The following TMC7 variants were observed in gnomAD, a reference collection of about 807,000 sequenced individuals.
TMC7 encodes the protein transmembrane channel like 7.
In TMC7, 54 loss-of-function variants were observed where a neutral mutation model predicts 82.9. The ratio of observed to expected loss-of-function variants is 0.65; its 90% CI spans 0.52 to 0.82. The LOEUF (loss-of-function observed/expected upper bound fraction) is 0.82, where lower values mean the gene tolerates loss of function less well. TMC7 is among the 40% of genes least tolerant of loss of function. The pLI is 0.00. For synonymous variants in TMC7, 350 were observed against 337.9 expected (o/e 1.04, Z -0.39); for missense variants, 820 against 901.2 (o/e 0.91, Z 1.15).
intron 1 of TMC7, among the ~76,000 whole-genome samples, chr16:18,994,449 C>A (rs1408248891): frequency 2.1e-4 from 31 of 147,466 alleles, no homozygotes; most frequent in Admixed American, 2.1e-3. Context: ...CGAGACTCTT[C>A]TCAAAAAAAA....
intron 9 of TMC7, among the ~76,000 whole-genome samples, chr16:19,043,056 T>C (rs2142275972): frequency 6.6e-6 from 1 of 152,172 alleles, no homozygotes; most frequent in East Asian, 1.9e-4. Context: ...ACTTAATTTA[T>C]TTTTGTATTA....
chr16:19,012,480 A>G (rs1369250897), intron 2 of TMC7, among the ~76,000 whole-genome samples: 1 of 152,080 alleles, frequency 6.6e-6, no homozygotes. Context: ...CTGGTTTACC[A>G]GTGAATCCCT....
At chr16:19,010,279 C>G (rs369119248) in intron 2 of TMC7, among the ~76,000 whole-genome samples, 1 of 151,646 alleles carries the variant, frequency 6.6e-6, no homozygotes, top group Non-Finnish European at 1.5e-5. Context: ...CTCAGTCTCC[C>G]GAGTAGCTGG....
intron 1 of TMC7, among the ~76,000 whole-genome samples, chr16:18,994,525 T>A (rs956348524): frequency 3.3e-5 from 5 of 150,230 alleles, no homozygotes; most frequent in African/African-American, 1.2e-4. Context: ...TGGGGATGAG[T>A]TAGGGAGAGC....
chr16:19,017,589 G>T (rs1160118950), intron 3 of TMC7, among the ~76,000 whole-genome samples: 1 of 151,438 alleles, frequency 6.6e-6, no homozygotes, highest in African/African-American at 2.4e-5. Flanking sequence ...GGAGACTGAG[G>T]CAGGAAGAGC....
At chr16:19,014,109 G>A (rs1959543336) in intron 2 of TMC7, among the ~76,000 whole-genome samples, 1 of 148,184 alleles carries the variant, frequency 6.7e-6, no homozygotes, top group South Asian at 2.1e-4. Context: ...CTTGTGATCT[G>A]CCTGCCTCGG....
intron 4 of TMC7, among the ~76,000 whole-genome samples, chr16:19,022,792 G>A (rs575460672): frequency 6.6e-6 from 1 of 152,346 alleles, no homozygotes; most frequent in South Asian, 2.1e-4. Flanking sequence ...ACTTTGGGAG[G>A]CTGAGGTGGG....
At chr16:18,994,986 TGG>T (rs60240381) in intron 1 of TMC7, among the ~76,000 whole-genome samples, 2 of 151,500 alleles carry the variant, frequency 1.3e-5, no homozygotes, top group African/African-American at 4.9e-5. Context: ...TGGATTAAGG[TGG>T]GGAGATACAA....
chr16:19,023,066 G>C, intron 4 of TMC7, 47 bp from the exon 5 acceptor site: 1 of 1,247,236 alleles, frequency 8.0e-7, no homozygotes, highest in African/African-American at 1.5e-5. Context: ...GCAGGTTATA[G>C]AGACTAAAAC....
intron 1 of TMC7, among the ~76,000 whole-genome samples, chr16:18,997,494 C>G (rs1212914386): frequency 1.3e-5 from 2 of 152,020 alleles, no homozygotes; most frequent in Non-Finnish European, 2.9e-5. Context: ...CTTAGCCCCC[C>G]AAGTAGCTGG....
intron 4 of TMC7, 84 bp from the exon 5 acceptor site, chr16:19,023,021 GAACAAACA>G (rs752199350): frequency 1.8e-5 from 13 of 742,038 alleles, no homozygotes; most frequent in South Asian, 3.7e-5. Flanking sequence ...CTCCATCTCA[GAACAAACA>G]AACAAACAAA....
intron 13 of TMC7, among the ~76,000 whole-genome samples, chr16:19,055,099 T>C (rs1213768825): frequency 6.6e-6 from 1 of 152,136 alleles, no homozygotes; most frequent in African/African-American, 2.4e-5. Flanking sequence ...TGGCTGAATT[T>C]GATGAAGAAC....
At chr16:19,056,930 GC>G (rs1027697395) in intron 14 of TMC7, among the ~76,000 whole-genome samples, 47 of 151,524 alleles carry the variant, frequency 3.1e-4, no homozygotes, top group African/African-American at 9.4e-4. Flanking sequence ...TTCGAGACCA[GC>G]CTGGACAGCA....
chr16:19,037,053 T>C (rs956526527), intron 7 of TMC7, among the ~76,000 whole-genome samples: 1 of 152,096 alleles, frequency 6.6e-6, no homozygotes, highest in Non-Finnish European at 1.5e-5. Flanking sequence ...CCAATTGCAG[T>C]CTTAAATAGG....
At chr16:18,985,824 G>C (rs1423968027) in intron 1 of TMC7, among the ~76,000 whole-genome samples, 1 of 151,182 alleles carries the variant, frequency 6.6e-6, no homozygotes, top group Non-Finnish European at 1.5e-5. Flanking sequence ...AGGACAGTCC[G>C]TGGGGTGGGG....
At chr16:19,026,071 G>C (rs747414388) in intron 5 of TMC7, among the ~76,000 whole-genome samples, 1 of 151,544 alleles carries the variant, frequency 6.6e-6, no homozygotes, top group Non-Finnish European at 1.5e-5. Context: ...CCACTATGCC[G>C]CACCTGATTT....
At chr16:19,005,250 C>T (rs1192793856) in intron 1 of TMC7, among the ~76,000 whole-genome samples, 7 of 151,948 alleles carry the variant, frequency 4.6e-5, no homozygotes, top group East Asian at 3.9e-4. Context: ...CCACCATGCC[C>T]GGCTATTTTT....
chr16:19,045,548 T>C, intron 11 of TMC7, 110 bp downstream of exon 11: 2 of 774,362 alleles, frequency 2.6e-6, no homozygotes, highest in Non-Finnish European at 4.5e-6. Flanking sequence ...CAGAAGCTGC[T>C]GGATGACTCT....
chr16:19,045,163 C>A, intron 10 of TMC7, 162 bp downstream of exon 10: 2 of 829,842 alleles, frequency 2.4e-6, no homozygotes, highest in Non-Finnish European at 2.0e-6. Flanking sequence ...TAACCCCAGG[C>A]ACTTCTGAGG....
Sources: gnomAD v4.1 joint callset for allele counts (sites outside exome capture counted in the v4.1 genomes callset) on GRCh38, gnomAD v4.1.1 for gene constraint, MANE v1.5 for transcripts, NCBI Gene and HGNC (gene_info 2026-07-23, HGNC 2026-07-21) for gene names.